The following HMCN1 variants were observed in gnomAD, a reference collection of about 807,000 sequenced individuals.
HMCN1 encodes the protein hemicentin 1, also known as hemicentin-1.
Under a neutral mutation model 625.9 loss-of-function variants are expected in HMCN1, and 321 were observed. The observed-to-expected ratio is 0.51, with a 90% CI of 0.47 to 0.56. The LOEUF (loss-of-function observed/expected upper bound fraction) is 0.56, where lower values mean the gene tolerates loss of function less well. HMCN1 is among the 20% of genes least tolerant of loss of function. The pLI, the probability that HMCN1 is intolerant of heterozygous loss-of-function variation, is 0.00. For missense variants in HMCN1, 6,588 were observed against 6,887.3 expected, an observed-to-expected ratio of 0.96 and a Z score of 1.54; for synonymous variants, 2,425 against 2,417.6, an observed-to-expected ratio of 1.00 and a Z score of -0.09.
At chr1:186,131,968 G>A (rs1480049473) in intron 85 of HMCN1, among the ~76,000 whole-genome samples, 3 of 152,110 alleles carry the variant, frequency 2.0e-5, no homozygotes, top group African/African-American at 7.2e-5. Context: ...TGCTTTTTAA[G>A]ATATCTATAA....
intron 20 of HMCN1, among the ~76,000 whole-genome samples, chr1:185,988,580 C>T (rs1041967008): frequency 2.0e-5 from 3 of 152,174 alleles, no homozygotes; most frequent in Non-Finnish European, 4.4e-5. Context: ...CCCTGAACTG[C>T]GCAGTAACTA....
At chr1:186,063,017 A>C (rs1657812528) in intron 48 of HMCN1, among the ~76,000 whole-genome samples, 1 of 142,142 alleles carries the variant, frequency 7.0e-6, no homozygotes, top group Admixed American at 7.0e-5. Flanking sequence ...TTTTATGGAT[A>C]GGTAGTATTC....
chr1:186,127,479 A>G (rs1661704873), intron 82 of HMCN1, among the ~76,000 whole-genome samples: 1 of 152,100 alleles, frequency 6.6e-6, no homozygotes, highest in African/African-American at 2.4e-5. Flanking sequence ...AAAAGGTTGG[A>G]GAAGCAGCAG....
intron 1 of HMCN1, among the ~76,000 whole-genome samples, chr1:185,740,036 T>C (rs973657923): frequency 3.9e-5 from 6 of 152,024 alleles, no homozygotes; most frequent in African/African-American, 1.4e-4. Context: ...CAGGGAACAG[T>C]GAAAAGACCA....
intron 1 of HMCN1, among the ~76,000 whole-genome samples, chr1:185,840,834 A>T (rs1381993013): frequency 6.6e-6 from 1 of 152,206 alleles, no homozygotes; most frequent in African/African-American, 2.4e-5. Flanking sequence ...ATAACTATCA[A>T]TATAAAGTTA....
intron 85 of HMCN1, 43 bp from the exon 86 acceptor site, chr1:186,132,285 C>T (rs1288404447): frequency 1.4e-6 from 2 of 1,404,616 alleles, no homozygotes; most frequent in South Asian, 1.2e-5. Flanking sequence ...TTGCCCTGCT[C>T]TGTAGGCTCA....
Position 186,189,578 on chromosome 1 carries a change from CA to C in HMCN1, c.16611del (p.Lys5537AsnfsTer9). 1 of 1,613,708 alleles carries C rather than the reference CA, an allele frequency of 6.2e-7. No homozygotes were observed. The highest frequency in any genetic ancestry group is 8.5e-7 in the Non-Finnish European group (1 of 1,179,756). On this transcript the variant is annotated frameshift_variant, in exon 107 of 107. Transcript: ENST00000271588. LOFTEE classifies it high-confidence loss of function. Reference protein sequence around the residue: ...CALSPYALEYKLVSLPFGIAT... With the variant: ...CALSPYALEYXLVSLPFGIAT... ...CCTTGAGCCCATATGCCTTGGAATA[CA>C]AACTCGTCTCCCTCCCATTTGGAAT...
intron 81 of HMCN1, among the ~76,000 whole-genome samples, 154 bp downstream of exon 81, chr1:186,123,374 G>C (rs1661489992): frequency 6.6e-6 from 1 of 152,134 alleles, no homozygotes; most frequent in Non-Finnish European, 1.5e-5. Context: ...CTTCAAATCT[G>C]TTTTCTGTAG....
At chr1:185,935,477 A>G (rs1667765742) in intron 11 of HMCN1, among the ~76,000 whole-genome samples, 1 of 152,162 alleles carries the variant, frequency 6.6e-6, no homozygotes, top group African/African-American at 2.4e-5. Flanking sequence ...TGATCTAGAA[A>G]TGTGTATCTT....
At chr1:185,995,271 G>T (rs1652708462) in intron 24 of HMCN1, among the ~76,000 whole-genome samples, 184 bp downstream of exon 24, 1 of 152,020 alleles carries the variant, frequency 6.6e-6, no homozygotes, top group African/African-American at 2.4e-5. Context: ...TTCTAAACCT[G>T]CATCAATTTT....
At chr1:185,751,583 T>C (rs73058387) in intron 1 of HMCN1, among the ~76,000 whole-genome samples, 5,880 of 152,216 alleles carry the variant, frequency 0.039, 405 homozygotes, top group African/African-American at 0.13. Context: ...TTTCAGATAT[T>C]TCCTCTCCTT....
At chr1:185,799,285 A>G (rs1490915622) in intron 1 of HMCN1, among the ~76,000 whole-genome samples, 1 of 152,152 alleles carries the variant, frequency 6.6e-6, no homozygotes. Context: ...AGTGCTATGC[A>G]TTTGTGTCAG....
intron 4 of HMCN1, among the ~76,000 whole-genome samples, chr1:185,870,211 A>T (rs1016852102): frequency 1.3e-5 from 2 of 152,134 alleles, no homozygotes; most frequent in Admixed American, 6.5e-5. Flanking sequence ...TCCTTAATTC[A>T]CCTTTGAATA....
intron 84 of HMCN1, 86 bp from the exon 85 acceptor site, chr1:186,130,421 A>T (rs1661869548): frequency 7.2e-7 from 1 of 1,388,118 alleles, no homozygotes; most frequent in Non-Finnish European, 1.0e-6. Context: ...CCTCTTTACT[A>T]AATTATTTTT....
At chr1:185,919,258 C>T (rs1666884232) in intron 6 of HMCN1, among the ~76,000 whole-genome samples, 2 of 152,070 alleles carry the variant, frequency 1.3e-5, no homozygotes, top group African/African-American at 4.8e-5. Flanking sequence ...TCTCCTCTAA[C>T]CCCATCAGGT....
At position 185,994,832 on chromosome 1, in the gene HMCN1, C is replaced by G. The variant is rs147236265; in HGVS notation, c.3523C>G (p.Arg1175Gly). The G allele has an allele frequency of 3.2e-5, 52 of 1,613,202 alleles. No homozygotes were observed. In the African/African-American group the frequency reaches 5.9e-4, roughly 18 times the overall value. ...ATTTCTAGTTCCTCCAAAGATACAG[C>G]GTGGACCTAAACATCTCAAAGTCCA... ...LNVHVPPKIQ[R>G]GPKHLKVQVG... The change falls in exon 24 of 107, where the codon CGT becomes GGT. Residue 1175 changes from arginine to glycine, a missense_variant. Physicochemically the swap from Arg to Gly is moderately radical, Grantham distance 125 (BLOSUM62 -2). This residue lies in a region of HMCN1 where 4,628 missense variants were observed against 4,853.1 expected (regional missense o/e 0.95). Coordinates refer to ENST00000271588, the MANE Select transcript of HMCN1 (RefSeq NM_031935.3).
chr1:186,001,361 C>A lies in HMCN1; in HGVS notation c.4133C>A (p.Thr1378Asn). 1 of 1,611,588 alleles carries A rather than the reference C, an allele frequency of 6.2e-7. No homozygotes were observed. Among genetic ancestry groups the A allele is most frequent in the Non-Finnish European group, 8.5e-7 (1 of 1,178,082 alleles). Residue 1378 changes from threonine (T) to asparagine (N), a missense_variant, in exon 27 of 107, where the codon ACC becomes AAC. Transcript: ENST00000271588. ...TNVSVLLNQLTNLFCEVEGTP... is the reference protein window; with the variant it reads ...TNVSVLLNQLNNLFCEVEGTP... Reference sequence around the variant, plus strand: ...GTGTCGGTGTTGTTAAATCAGCTGACCAATCTCTTCTGTGAAGTGGAAGGC... The same window carrying A: ...GTGTCGGTGTTGTTAAATCAGCTGAACAATCTCTTCTGTGAAGTGGAAGGC...
At chr1:185,924,436 T>C (rs955735611) in intron 8 of HMCN1, among the ~76,000 whole-genome samples, 3 of 151,988 alleles carry the variant, frequency 2.0e-5, no homozygotes, top group African/African-American at 7.2e-5. Flanking sequence ...TAAAATTGTA[T>C]AGTACTATTA....
At position 186,076,447 on chromosome 1, in the gene HMCN1, A is replaced by G; in HGVS notation, c.8310A>G (p.Lys2770=). The G allele has an allele frequency of 6.2e-7, 1 of 1,613,546 alleles. No individual in the cohort carries two copies. Among genetic ancestry groups the G allele is most frequent in the South Asian group, 1.1e-5 (1 of 91,088 alleles). The change falls in exon 54 of 107, where the codon AAA becomes AAG. Residue 2770 remains lysine (K), a synonymous_variant. Transcript: ENST00000271588. ...VNIQVPPSFQ[K]LWEIGNMLDT... ...CCATAGTTCCTCCAAGTTTTCAGAAACTCTGGGAAATAGGAAACATGCTAG... is the reference window on the plus strand; with the variant it reads ...CCATAGTTCCTCCAAGTTTTCAGAAGCTCTGGGAAATAGGAAACATGCTAG...
Sources: gnomAD v4.1 joint callset for allele counts (sites outside exome capture counted in the v4.1 genomes callset) on GRCh38, gnomAD v4.1.1 for gene constraint, gnomAD v4.1.1 regional missense constraint, MANE v1.5 for transcripts, NCBI Gene and HGNC (gene_info 2026-07-23, HGNC 2026-07-21) for gene names.